The following GPX2 variants were observed in gnomAD, a reference collection of about 807,000 sequenced individuals.
The protein encoded by GPX2 is gastrointestinal glutathione peroxidase.
Under a neutral mutation model 14.1 loss-of-function variants are expected in GPX2, and 21 were observed. The observed-to-expected ratio is 1.48, with a 90% CI of 1.05 to 2.14. The LOEUF is 2.14. Ranked by LOEUF, GPX2 falls within the 30% of genes most tolerant of loss-of-function variation. The pLI is 0.00. For missense variants in GPX2, 241 were observed against 249.8 expected (o/e 0.96, Z 0.24); for synonymous variants, 94 against 95.2 (o/e 0.99, Z 0.07).
In GPX2 at chr14:64,940,906, C is replaced by A. The variant is rs960172636; in HGVS notation, c.223-1068G>T. Among the ~76,000 whole-genome samples, 2 of 152,194 alleles carry A rather than the reference C, an allele frequency of 1.3e-5. No individual in the cohort carries two copies. The highest frequency in any genetic ancestry group is 6.5e-5 in the Admixed American group (1 of 15,280). On this transcript the variant is annotated intron_variant, in intron 1 of 1. Coordinates refer to ENST00000389614, the MANE Select transcript of GPX2 (RefSeq NM_002083.4). The surrounding 1 kb of genome is among the most constrained non-coding windows in gnomAD (Gnocchi z 4.5). ...TGACAATCCAAAAGGCCTATGGGAACCCTTCTTTTCCACCTCTACCTTTCC... is the reference window on the plus strand; with the variant it reads ...TGACAATCCAAAAGGCCTATGGGAAACCTTCTTTTCCACCTCTACCTTTCC...
Position 64,940,081 on chromosome 14 carries a change from TA to T in GPX2, c.223-244del. On this transcript the variant is annotated intron_variant, in intron 1 of 1. Transcript: ENST00000389614. This position sits in a 1 kb window ranked among gnomAD's most constrained non-coding sequence, Gnocchi z 4.5. ...ACAGACACAGGCCACCATGCCCGGC[TA>T]ATTTTTTTTTTTTTTTGTAGAGATG... 1 of 1,398,046 alleles carries T rather than the reference TA, an allele frequency of 7.2e-7. No homozygotes were observed. The highest frequency in any genetic ancestry group is 9.5e-7 in the Non-Finnish European group (1 of 1,048,658). The allele number at this position is 1,398,046 out of a possible 1,614,324, so 86.6% of individuals were successfully genotyped here.
Position 64,939,440 on chromosome 14 carries a change from C to T in GPX2, c.*48G>A. On this transcript the variant is annotated 3_prime_UTR_variant, in exon 2 of 2. Transcript: ENST00000389614. The surrounding 1 kb of genome is among the most constrained non-coding windows in gnomAD (Gnocchi z 5.7). ...TGAAGGCATGCTGCATCCTAAGGCT[C>T]CTCAGGACTGGATGGAGTAGGAGAT... 6.8e-7 allele frequency: 1 copy of T among 1,470,542 alleles called. No individual in the cohort carries two copies. Among genetic ancestry groups the T allele is most frequent in the Non-Finnish European group, 9.4e-7 (1 of 1,062,314 alleles). 91.1% of individuals were successfully genotyped at this position (1,470,542 alleles called of 1,614,324 possible). A position where few individuals can be genotyped will look rare whatever the true frequency, so the allele number is the denominator to read the frequency against.
In GPX2 at chr14:64,941,863, C is replaced by T. The variant is rs17884574; in HGVS notation, c.222+642G>A. On this transcript the variant is annotated intron_variant, in intron 1 of 1. Transcript: ENST00000389614. ...GTGCCTTTTGAAAACCTTTCTCTTTCCTGCTTATTTTCTTTCCACTTGGCT... is the reference window on the plus strand; with the variant it reads ...GTGCCTTTTGAAAACCTTTCTCTTTTCTGCTTATTTTCTTTCCACTTGGCT... 2.3e-3 allele frequency among the ~76,000 whole-genome samples: 348 copies of T among 152,292 alleles called. No individual in the cohort carries two copies. The Middle Eastern group carries it at 0.041, about 18-fold the overall frequency.
chr14:64,940,156 C>G lies in GPX2; in HGVS notation c.223-318G>C. ...TTTGGCTGCTCTTCAAGATTTAGCA[C>G]TTCTGAGCTGTTGCTTTTGTCTCCA... On this transcript the variant is annotated intron_variant, in intron 1 of 1. Coordinates refer to ENST00000389614, the MANE Select transcript of GPX2 (RefSeq NM_002083.4). The surrounding 1 kb of genome is among the most constrained non-coding windows in gnomAD (Gnocchi z 4.5). The G allele has an allele frequency of 7.4e-7, 1 of 1,349,190 alleles. No individual in the cohort carries two copies. The highest frequency in any genetic ancestry group is 9.7e-7 in the Non-Finnish European group (1 of 1,028,566). 83.6% of individuals were successfully genotyped at this position (1,349,190 alleles called of 1,614,324 possible).
At chr14:64,942,042 G>C (rs1415486882) in intron 1 of GPX2, among the ~76,000 whole-genome samples, 1 of 152,142 alleles carries the variant, frequency 6.6e-6, no homozygotes, top group African/African-American at 2.4e-5. Context: ...ATTTACAGAT[G>C]AGGAAACTAA....
Position 64,939,403 on chromosome 14 carries a change from A to G in GPX2, c.*85T>C. ...TGATATCAAGGGAATGCTGAGGTCCAGCAGTGTCTCCTGAAGGCATGCTGC... is the reference window on the plus strand; with the variant it reads ...TGATATCAAGGGAATGCTGAGGTCCGGCAGTGTCTCCTGAAGGCATGCTGC... On this transcript the variant is annotated 3_prime_UTR_variant, in exon 2 of 2. Coordinates refer to ENST00000389614, the MANE Select transcript of GPX2 (RefSeq NM_002083.4). The surrounding 1 kb of genome is among the most constrained non-coding windows in gnomAD (Gnocchi z 5.7). 1.0e-6 allele frequency: 1 copy of G among 996,350 alleles called. No individual in the cohort carries two copies. The highest frequency in any genetic ancestry group is 1.5e-6 in the Non-Finnish European group (1 of 646,646). 61.7% of individuals were successfully genotyped at this position (996,350 alleles called of 1,614,324 possible).
chr14:64,939,742 C>T lies in GPX2; in HGVS notation c.319G>A (p.Val107Met). The T allele has an allele frequency of 6.2e-7, 1 of 1,614,154 alleles. No homozygotes were observed. The highest frequency in any genetic ancestry group is 1.1e-5 in the South Asian group (1 of 91,088). ...PTFTLVQKCE[V>M]NGQNEHPVFA... The stretch of plus-strand genomic sequence containing the variant: ...ACAGGATGCTCGTTCTGCCCATTCA[C>T]CTCACATTTTTGGACAAGGGTGAAG... The change falls in exon 2 of 2, where the codon GTG becomes ATG. Residue 107 changes from valine (V) to methionine (M), a missense_variant. Val to Met is a conservative substitution (Grantham distance 21). Transcript: ENST00000389614. This position sits in a 1 kb window ranked among gnomAD's most constrained non-coding sequence, Gnocchi z 5.7.
chr14:64,939,788 A>G lies in GPX2; in HGVS notation c.273T>C (p.Pro91=), dbSNP rs754401445. ...EILNSLKYVR[P]GGGYQPTFTL... ...TGAAGGTGGGCTGGTATCCACCCCCAGGACGGACATACTTGAGACTGTTCA... is the reference window on the plus strand; with the variant it reads ...TGAAGGTGGGCTGGTATCCACCCCCGGGACGGACATACTTGAGACTGTTCA... The change falls in exon 2 of 2, where the codon CCT becomes CCC. Residue 91 remains proline (P), a synonymous_variant. Coordinates refer to ENST00000389614, the MANE Select transcript of GPX2 (RefSeq NM_002083.4). This position sits in a 1 kb window ranked among gnomAD's most constrained non-coding sequence, Gnocchi z 5.7. The G allele has an allele frequency of 1.9e-6, 3 of 1,614,162 alleles. No homozygotes were observed. In the South Asian group the frequency reaches 3.3e-5, roughly 18 times the overall value.
At position 64,940,097 on chromosome 14, in the gene GPX2, T is replaced by G; in HGVS notation, c.223-259A>C. 7.1e-7 allele frequency: 1 copy of G among 1,401,214 alleles called. No homozygotes were observed. The highest frequency in any genetic ancestry group is 9.4e-7 in the Non-Finnish European group (1 of 1,059,714). The allele number at this position is 1,401,214 out of a possible 1,614,324, so 86.8% of individuals were successfully genotyped here. ...ATGCCCGGCTAATTTTTTTTTTTTT[T>G]TGTAGAGATGGGGTCTCACTTTGTT... On this transcript the variant is annotated intron_variant, in intron 1 of 1. Coordinates refer to ENST00000389614, the MANE Select transcript of GPX2 (RefSeq NM_002083.4). This position sits in a 1 kb window ranked among gnomAD's most constrained non-coding sequence, Gnocchi z 4.5.
chr14:64,939,699 T>G lies in GPX2; in HGVS notation c.362A>C (p.Asp121Ala). Reference protein sequence around the residue: ...NEHPVFAYLKDKLPYPYDDPF... With the variant: ...NEHPVFAYLKAKLPYPYDDPF... ...GTCATCATAAGGGTAGGGGAGCTTG[T>G]CCTTCAGGTAGGCGAAGACAGGATG... is the stretch of plus-strand genomic sequence containing the variant. The change falls in exon 2 of 2, where the codon GAC becomes GCC. Residue 121 changes from aspartate to alanine, a missense_variant. Asp to Ala is a moderately radical substitution (Grantham distance 126, BLOSUM62 -2). Coordinates refer to ENST00000389614, the MANE Select transcript of GPX2 (RefSeq NM_002083.4). This position sits in a 1 kb window ranked among gnomAD's most constrained non-coding sequence, Gnocchi z 5.7. 6.2e-7 allele frequency: 1 copy of G among 1,614,074 alleles called. No homozygotes were observed.
chr14:64,942,057 A>G (rs1395988676), intron 1 of GPX2, among the ~76,000 whole-genome samples: 1 of 152,242 alleles, frequency 6.6e-6, no homozygotes, highest in Non-Finnish European at 1.5e-5. Context: ...AACTAAACCG[A>G]AAAATGAAGC....
rs148421193 is a variant in GPX2, at chr14:64,939,561, C to A, written c.500G>T (p.Arg167Leu). 1.9e-6 allele frequency: 3 copies of A among 1,614,040 alleles called. No individual in the cohort carries two copies. In the African/African-American group the frequency reaches 4.0e-5, roughly 22 times the overall value. ...FLIGPEGEPF[R>L]RYSRTFPTIN... Reference sequence around the variant, plus strand: ...GGTTGGGAAGGTGCGGCTGTAGCGTCGGAAGGGCTCTCCCTCCGGCCCTAT... The same window carrying A: ...GGTTGGGAAGGTGCGGCTGTAGCGTAGGAAGGGCTCTCCCTCCGGCCCTAT... The change falls in exon 2 of 2, where the codon CGA becomes CTA. Residue 167 changes from arginine (R) to leucine (L), a missense_variant. Coordinates refer to ENST00000389614, the MANE Select transcript of GPX2 (RefSeq NM_002083.4). The surrounding 1 kb of genome is among the most constrained non-coding windows in gnomAD (Gnocchi z 5.7).
Position 64,939,881 on chromosome 14 carries a change from G to T in GPX2, c.223-43C>A. On this transcript the variant is annotated intron_variant, in intron 1 of 1. Coordinates refer to ENST00000389614, the MANE Select transcript of GPX2 (RefSeq NM_002083.4). The surrounding 1 kb of genome is among the most constrained non-coding windows in gnomAD (Gnocchi z 5.7). ...CAAAGTGCGTGGACAGTGGGTGGGG[G>T]AAGAGAAAGATCCACAACATGAAAC... is the stretch of plus-strand genomic sequence containing the variant. 6.3e-7 allele frequency: 1 copy of T among 1,592,376 alleles called. No homozygotes were observed. The highest frequency in any genetic ancestry group is 8.6e-7 in the Non-Finnish European group (1 of 1,167,846).
Position 64,940,538 on chromosome 14 carries a change from A to G in GPX2, c.223-700T>C, listed in dbSNP as rs1459626194. On this transcript the variant is annotated intron_variant, in intron 1 of 1. Coordinates refer to ENST00000389614, the MANE Select transcript of GPX2 (RefSeq NM_002083.4). This position sits in a 1 kb window ranked among gnomAD's most constrained non-coding sequence, Gnocchi z 4.5. Reference sequence around the variant, plus strand: ...GGAAGACCCCCATCCAAGAACATCTAGTTTTCAGGTGCCATAACAGCAGAG... The same window carrying G: ...GGAAGACCCCCATCCAAGAACATCTGGTTTTCAGGTGCCATAACAGCAGAG... 3.3e-5 allele frequency among the ~76,000 whole-genome samples: 5 copies of G among 152,216 alleles called. No homozygotes were observed. The highest frequency in any genetic ancestry group is 1.2e-4 in the African/African-American group (5 of 41,444).
In GPX2 at chr14:64,939,713, G is replaced by T. The variant is rs200627946; in HGVS notation, c.348C>A (p.Phe116Leu). 26 of 1,614,154 alleles carry T rather than the reference G, an allele frequency of 1.6e-5. No homozygotes were observed. In the East Asian group the frequency reaches 5.6e-4, roughly 35 times the overall value. Residue 116 changes from phenylalanine (F) to leucine (L), a missense_variant, in exon 2 of 2, where the codon TTC (phenylalanine) becomes TTA (leucine). Physicochemically the swap from Phe to Leu is conservative, Grantham distance 22. Coordinates refer to ENST00000389614, the MANE Select transcript of GPX2 (RefSeq NM_002083.4). The surrounding 1 kb of genome is among the most constrained non-coding windows in gnomAD (Gnocchi z 5.7). ...EVNGQNEHPVFAYLKDKLPYP... is the reference protein window; with the variant it reads ...EVNGQNEHPVLAYLKDKLPYP... ...AGGGGAGCTTGTCCTTCAGGTAGGC[G>T]AAGACAGGATGCTCGTTCTGCCCAT...
Position 64,939,812 on chromosome 14 carries a change from C to G in GPX2, c.249G>C (p.Leu83=). 1 of 1,614,006 alleles carries G rather than the reference C, an allele frequency of 6.2e-7. No individual in the cohort carries two copies. The highest frequency in any genetic ancestry group is 1.1e-5 in the South Asian group (1 of 91,076). Residue 83 remains leucine, a synonymous_variant, in exon 2 of 2, where the codon CTG becomes CTC. Coordinates refer to ENST00000389614, the MANE Select transcript of GPX2 (RefSeq NM_002083.4). The surrounding 1 kb of genome is among the most constrained non-coding windows in gnomAD (Gnocchi z 5.7). ...CAGGACGGACATACTTGAGACTGTT[C>G]AGGATCTCCTCATTCTGACAGTTCT... ...HQENCQNEEI[L]NSLKYVRPGG...
chr14:64,939,674 G>A lies in GPX2; in HGVS notation c.387C>T (p.Asp129=), dbSNP rs1443061842. The A allele has an allele frequency of 1.2e-6, 2 of 1,614,148 alleles. No homozygotes were observed. The highest frequency in any genetic ancestry group is 4.5e-5 in the East Asian group (2 of 44,880). ...LKDKLPYPYD[D]PFSLMTDPKL... ...TGGGATCGGTCATGAGGGAAAATGG[G>A]TCATCATAAGGGTAGGGGAGCTTGT... Residue 129 remains aspartate, a synonymous_variant, in exon 2 of 2, where the codon GAC becomes GAT. Transcript: ENST00000389614. This position sits in a 1 kb window ranked among gnomAD's most constrained non-coding sequence, Gnocchi z 5.7.
intron 1 of GPX2, 38 bp downstream of exon 1, chr14:64,942,467 C>G: frequency 6.5e-7 from 1 of 1,539,616 alleles, no homozygotes; most frequent in Non-Finnish European, 9.0e-7. Context: ...CTACACCAAC[C>G]CAACACTTTT....
Position 64,940,110 on chromosome 14 carries a change from G to T in GPX2, c.223-272C>A. On this transcript the variant is annotated intron_variant, in intron 1 of 1. Transcript: ENST00000389614. This position sits in a 1 kb window ranked among gnomAD's most constrained non-coding sequence, Gnocchi z 4.5. ...TTTTTTTTTTTTTTGTAGAGATGGG[G>T]TCTCACTTTGTTGCCCATGCTTTGG... 3 of 1,403,560 alleles carry T rather than the reference G, an allele frequency of 2.1e-6. No individual in the cohort carries two copies. Among genetic ancestry groups the T allele is most frequent in the Non-Finnish European group, 1.9e-6 (2 of 1,061,652 alleles). 86.9% of individuals were successfully genotyped at this position (1,403,560 alleles called of 1,614,324 possible).
Sources: gnomAD v4.1 joint callset for allele counts (sites outside exome capture counted in the v4.1 genomes callset) on GRCh38, gnomAD v4.1.1 for gene constraint, Gnocchi (gnomAD v3.1) non-coding constraint, MANE v1.5 for transcripts, NCBI Gene and HGNC (gene_info 2026-07-23, HGNC 2026-07-21) for gene names.